DOCK1: variants seen among roughly 807,000 people sequenced by gnomAD.
The protein encoded by DOCK1 is dedicator of cytokinesis 1.
DOCK1 carries 138 observed loss-of-function variants against 262.7 expected under a neutral mutation model. That is an observed-to-expected ratio of 0.53 (90% CI 0.46 to 0.61). The LOEUF (loss-of-function observed/expected upper bound fraction) is 0.61. Among genes scored for constraint, DOCK1 ranks in the 20% least tolerant of loss-of-function variants. The probability of loss-of-function intolerance (pLI) is 0.00; values close to 1 mark genes in which losing one functional copy is unlikely to be tolerated. For synonymous variants in DOCK1, 866 were observed against 867.4 expected (o/e 1.00, Z 0.03); for missense variants, 1,908 against 2,370.7 (o/e 0.80, Z 4.05).
At chr10:127,339,733 G>GTGTGTGTGTGTGTGTGCGCA (rs71032552) in intron 30 of DOCK1, among the ~76,000 whole-genome samples, 1 of 109,230 alleles carries the variant, frequency 9.2e-6, no homozygotes, top group Non-Finnish European at 1.9e-5. Context: ...GTGTGTGTGT[G>GTGTGTGTGTGTGTGTGCGCA]TGCATGCTGT....
intron 21 of DOCK1, among the ~76,000 whole-genome samples, chr10:127,047,397 T>C (rs1018242669): frequency 6.6e-6 from 1 of 152,226 alleles, no homozygotes; most frequent in African/African-American, 2.4e-5. Context: ...TGCTACATAT[T>C]GGAGATATCT....
chr10:126,947,017 G>T (rs1002780407), intron 1 of DOCK1, among the ~76,000 whole-genome samples: 1 of 152,214 alleles, frequency 6.6e-6, no homozygotes, highest in Non-Finnish European at 1.5e-5. Flanking sequence ...GCCCATGACT[G>T]GGGAGAGATG....
chr10:127,274,466 G>A (rs1297074707), intron 29 of DOCK1, among the ~76,000 whole-genome samples: 1 of 152,154 alleles, frequency 6.6e-6, no homozygotes, highest in African/African-American at 2.4e-5. Context: ...GGAGATTTGT[G>A]TGCAAACTGG....
At chr10:126,989,246 A>G (rs2039629944) in intron 5 of DOCK1, among the ~76,000 whole-genome samples, 1 of 152,144 alleles carries the variant, frequency 6.6e-6, no homozygotes, top group Non-Finnish European at 1.5e-5. Flanking sequence ...CGTGGTTTAG[A>G]TATGTAGAGG....
chr10:127,021,454 T>C (rs11018157), intron 13 of DOCK1, among the ~76,000 whole-genome samples: 7,197 of 152,284 alleles, frequency 0.047, 572 homozygotes, highest in African/African-American at 0.16. Context: ...CGTGAGCCAC[T>C]GCACCCGGCC....
At chr10:127,170,594 A>G (rs889352689) in intron 27 of DOCK1, among the ~76,000 whole-genome samples, 2 of 152,158 alleles carry the variant, frequency 1.3e-5, no homozygotes, top group African/African-American at 2.4e-5. Flanking sequence ...CGGGGTTGCC[A>G]CACTGTAGTT....
chr10:127,295,483 AG>A (rs1275072400), intron 29 of DOCK1, among the ~76,000 whole-genome samples: 3 of 152,094 alleles, frequency 2.0e-5, no homozygotes, highest in African/African-American at 4.8e-5. Flanking sequence ...TGAGATTTGG[AG>A]GGGACAAAAC....
At chr10:126,999,524 A>G in intron 9 of DOCK1, 89 bp downstream of exon 9, 1 of 1,081,026 alleles carries the variant, frequency 9.3e-7, no homozygotes, top group South Asian at 1.3e-5. Context: ...GCGACACTAG[A>G]ACATGGGTCC....
intron 1 of DOCK1, among the ~76,000 whole-genome samples, chr10:126,944,701 C>T (rs1047506861): frequency 1.3e-5 from 2 of 151,934 alleles, no homozygotes; most frequent in Non-Finnish European, 2.9e-5. Context: ...GTATCAGTGG[C>T]GAGGTGGATT....
intron 40 of DOCK1, among the ~76,000 whole-genome samples, chr10:127,404,665 C>T (rs910929814): frequency 6.6e-6 from 1 of 152,160 alleles, no homozygotes; most frequent in Non-Finnish European, 1.5e-5. Context: ...GAGATTTACA[C>T]GTATTATTTT....
chr10:126,989,039 C>G (rs890054646), intron 5 of DOCK1, among the ~76,000 whole-genome samples: 1 of 149,114 alleles, frequency 6.7e-6, no homozygotes, highest in African/African-American at 2.5e-5. Context: ...CGCCACTGCA[C>G]TCCAGCCTGA....
chr10:127,370,336 G>T (rs562077364), intron 33 of DOCK1, among the ~76,000 whole-genome samples: 1 of 152,236 alleles, frequency 6.6e-6, no homozygotes, highest in Admixed American at 6.5e-5. Flanking sequence ...CCCGGCTCTT[G>T]ATAACCTCGG....
chr10:127,225,582 C>A (rs148136055), intron 27 of DOCK1, among the ~76,000 whole-genome samples: 48 of 152,318 alleles, frequency 3.2e-4, no homozygotes, highest in African/African-American at 1.1e-3. Context: ...TAACTACACA[C>A]CAGACTGAAG....
chr10:126,955,287 G>A (rs1235365097), intron 1 of DOCK1, among the ~76,000 whole-genome samples: 1 of 152,092 alleles, frequency 6.6e-6, no homozygotes, highest in African/African-American at 2.4e-5. Flanking sequence ...CATCATGTTC[G>A]GCTAAATTTT....
chr10:127,100,533 C>T lies in DOCK1; in HGVS notation c.2446-5698C>T, dbSNP rs1015224466. On this transcript the variant is annotated intron_variant, in intron 23 of 51. Transcript: ENST00000623213. The surrounding 1 kb of genome is among the most constrained non-coding windows in gnomAD (Gnocchi z 5.5). Reference sequence around the variant, plus strand: ...GTGGGTGTGGGGTGTGGGTGTTGGGCTCAGGAGGAAGGGGAGCCCTGGAGA... The same window carrying T: ...GTGGGTGTGGGGTGTGGGTGTTGGGTTCAGGAGGAAGGGGAGCCCTGGAGA... Among the ~76,000 whole-genome samples, 1 of 152,020 alleles carries T rather than the reference C, an allele frequency of 6.6e-6. No individual in the cohort carries two copies. The highest frequency in any genetic ancestry group is 1.5e-5 in the Non-Finnish European group (1 of 67,996).
At chr10:127,078,609 GA>G (rs2046710879) in intron 23 of DOCK1, among the ~76,000 whole-genome samples, 1 of 152,118 alleles carries the variant, frequency 6.6e-6, no homozygotes, top group African/African-American at 2.4e-5. Context: ...CTACCCAGAG[GA>G]AAAGAAGTCA....
At chr10:127,358,061 A>C (rs1244937152) in intron 32 of DOCK1, among the ~76,000 whole-genome samples, 2 of 151,742 alleles carry the variant, frequency 1.3e-5, no homozygotes, top group Non-Finnish European at 2.9e-5. Context: ...TATTGGCAGG[A>C]TGATAGCACC....
At chr10:127,402,732 C>T (rs750008869) in intron 38 of DOCK1, 1 of 546,028 alleles carries the variant, frequency 1.8e-6, no homozygotes, top group Non-Finnish European at 3.6e-6. Flanking sequence ...GCTGCTCCGA[C>T]AGACGGGCTT....
chr10:126,997,842 G>C (rs2040320002), intron 7 of DOCK1: 1 of 479,140 alleles, frequency 2.1e-6, no homozygotes, highest in South Asian at 3.1e-5. Flanking sequence ...TGATTTATTG[G>C]ATGGACACCT....
Sources: gnomAD v4.1 joint callset for allele counts (sites outside exome capture counted in the v4.1 genomes callset) on GRCh38, gnomAD v4.1.1 for gene constraint, Gnocchi (gnomAD v3.1) non-coding constraint, MANE v1.5 for transcripts, NCBI Gene and HGNC (gene_info 2026-07-23, HGNC 2026-07-21) for gene names.